The following TAOK3 variants were observed in gnomAD, a reference collection of about 807,000 sequenced individuals.
TAOK3 encodes the protein serine/threonine-protein kinase TAO3.
In TAOK3, 40 loss-of-function variants were observed where a neutral mutation model predicts 120.4. That is an observed-to-expected ratio of 0.33 (90% confidence interval 0.26 to 0.43). The LOEUF is 0.43. Among genes scored for constraint, TAOK3 ranks in the 20% least tolerant of loss-of-function variants. The pLI, the probability that TAOK3 is intolerant of heterozygous loss-of-function variation, is 1.00. For synonymous variants in TAOK3, 355 were observed against 387.5 expected (o/e 0.92, Z 0.99); for missense variants, 821 against 1,112.1 (o/e 0.74, Z 3.72).
chr12:118,151,310 CA>C, intron 20 of TAOK3, 152 bp from the exon 21 acceptor site: 1 of 632,046 alleles, frequency 1.6e-6, no homozygotes, highest in Non-Finnish European at 2.6e-6. Flanking sequence ...CACACACACA[CA>C]CACACACAGG....
intron 1 of TAOK3, among the ~76,000 whole-genome samples, chr12:118,339,323 T>G (rs1237525367): frequency 6.8e-6 from 1 of 147,020 alleles, no homozygotes; most frequent in East Asian, 2.0e-4. Context: ...TCGCTCTTGT[T>G]GCCCAGGCTG....
intron 1 of TAOK3, among the ~76,000 whole-genome samples, chr12:118,319,181 C>G (rs2043597181): frequency 6.6e-6 from 1 of 152,066 alleles, no homozygotes; most frequent in Non-Finnish European, 1.5e-5. Context: ...ATGCATATAT[C>G]AAAACATCAC....
intron 4 of TAOK3, among the ~76,000 whole-genome samples, chr12:118,243,898 C>G (rs1340998445): frequency 2.0e-5 from 3 of 152,064 alleles, no homozygotes; most frequent in Non-Finnish European, 4.4e-5. Context: ...AGGCTGGTCT[C>G]GAACTCCTGA....
intron 9 of TAOK3, among the ~76,000 whole-genome samples, chr12:118,218,878 G>A (rs1240158579): frequency 2.0e-5 from 3 of 151,144 alleles, no homozygotes; most frequent in African/African-American, 7.3e-5. Flanking sequence ...CACTTGAACT[G>A]GGAGGTGGAG....
At chr12:118,301,528 T>G (rs2042878546) in intron 1 of TAOK3, among the ~76,000 whole-genome samples, 1 of 152,058 alleles carries the variant, frequency 6.6e-6, no homozygotes, top group Admixed American at 6.6e-5. Flanking sequence ...CTGCAGTCAT[T>G]AAAGCCTGAA....
At chr12:118,282,944 A>G (rs1451594421) in intron 1 of TAOK3, among the ~76,000 whole-genome samples, 2 of 152,226 alleles carry the variant, frequency 1.3e-5, no homozygotes, top group African/African-American at 4.8e-5. Context: ...GATAGTGTTC[A>G]AGCAATAGGC....
intron 19 of TAOK3, among the ~76,000 whole-genome samples, chr12:118,159,078 G>T (rs939201066): frequency 2.0e-5 from 3 of 152,094 alleles, no homozygotes; most frequent in African/African-American, 7.2e-5. Context: ...TCCATTCTGG[G>T]TTCCTGCAAT....
chr12:118,151,209 C>T (rs1477608370), intron 20 of TAOK3, 51 bp from the exon 21 acceptor site: 1 of 1,593,504 alleles, frequency 6.3e-7, no homozygotes, highest in East Asian at 2.2e-5. Context: ...CTAACAGGCA[C>T]CCACGTGCAC....
At chr12:118,178,513 G>A (rs1334913951) in intron 15 of TAOK3, among the ~76,000 whole-genome samples, 2 of 151,738 alleles carry the variant, frequency 1.3e-5, no homozygotes, top group African/African-American at 2.4e-5. Context: ...GCTCGAGTGC[G>A]GTGGCATGAT....
chr12:118,230,000 A>C (rs2039691555), intron 9 of TAOK3, among the ~76,000 whole-genome samples: 1 of 152,180 alleles, frequency 6.6e-6, no homozygotes, highest in Non-Finnish European at 1.5e-5. Context: ...CATATAATAG[A>C]TATTAATTAA....
At chr12:118,215,018 T>G (rs2038816672) in intron 9 of TAOK3, among the ~76,000 whole-genome samples, 1 of 151,614 alleles carries the variant, frequency 6.6e-6, no homozygotes, top group Non-Finnish European at 1.5e-5. Context: ...GTGCTGGGAT[T>G]ACAGGCATGC....
At position 118,372,588 on chromosome 12, in the gene TAOK3, C is replaced by G. The variant is rs2045934853; in HGVS notation, c.-194+60G>C. 1 of 156,916 alleles carries G rather than the reference C, an allele frequency of 6.4e-6. No homozygotes were observed. The highest frequency in any genetic ancestry group is 6.5e-5 in the Admixed American group (1 of 15,310). 9.7% of individuals were successfully genotyped at this position (156,916 alleles called of 1,614,324 possible). ...GCCCGCTCCCGCAACTCCCCTCACT[C>G]TGCCTGGGGTCCCGCCGCCTCGGCT... On this transcript the variant is annotated intron_variant, in intron 1 of 20. Coordinates refer to ENST00000392533, the MANE Select transcript of TAOK3 (RefSeq NM_016281.4). The surrounding 1 kb of genome is among the most constrained non-coding windows in gnomAD (Gnocchi z 4.6).
intron 1 of TAOK3, among the ~76,000 whole-genome samples, chr12:118,334,380 A>T (rs1484013698): frequency 6.6e-6 from 1 of 152,164 alleles, no homozygotes; most frequent in Non-Finnish European, 1.5e-5. Context: ...CACAAGGATA[A>T]ATATCATGAC....
intron 1 of TAOK3, among the ~76,000 whole-genome samples, chr12:118,353,650 G>C (rs956047816): frequency 6.6e-6 from 1 of 152,124 alleles, no homozygotes; most frequent in African/African-American, 2.4e-5. Context: ...TGGTAGTCCA[G>C]GAACGAGGCA....
Position 118,259,030 on chromosome 12 carries a change from A to C in TAOK3, c.-88-3375T>G, listed in dbSNP as rs1290431666. 3.9e-5 allele frequency among the ~76,000 whole-genome samples: 6 copies of C among 152,236 alleles called. No homozygotes were observed. The East Asian group carries it at 7.7e-4, about 20-fold the overall frequency. On this transcript the variant is annotated intron_variant, in intron 2 of 20. Transcript: ENST00000392533. ...CATTTTATGAAGAAATAAATATTTA[A>C]ATGTAAAAATGAGACCATAAAAACT...
At chr12:118,200,607 T>A (rs899915482) in intron 12 of TAOK3, 4 of 152,190 alleles carry the variant, frequency 2.6e-5, no homozygotes, top group African/African-American at 7.2e-5. Flanking sequence ...ACTGAAAACT[T>A]CTATCTGTAT....
chr12:118,298,429 A>G (rs10507288), intron 1 of TAOK3, among the ~76,000 whole-genome samples: 3,094 of 152,302 alleles, frequency 0.02, 109 homozygotes, highest in African/African-American at 0.071. Context: ...ACCTTTAGAA[A>G]ATCACTGAGA....
intron 1 of TAOK3, among the ~76,000 whole-genome samples, chr12:118,308,790 C>T (rs1255761793): frequency 4.0e-5 from 6 of 151,654 alleles, no homozygotes; most frequent in African/African-American, 9.7e-5. Context: ...ATTAGCCAGG[C>T]GTGGTGGCAC....
intron 14 of TAOK3, among the ~76,000 whole-genome samples, chr12:118,182,704 C>T (rs2036840234): frequency 6.9e-6 from 1 of 145,274 alleles, no homozygotes; most frequent in South Asian, 2.2e-4. Context: ...TTTCCTATTC[C>T]TAATATGAAG....
Sources: gnomAD v4.1 joint callset for allele counts (sites outside exome capture counted in the v4.1 genomes callset) on GRCh38, gnomAD v4.1.1 for gene constraint, Gnocchi (gnomAD v3.1) non-coding constraint, MANE v1.5 for transcripts, NCBI Gene and HGNC (gene_info 2026-07-23, HGNC 2026-07-21) for gene names.